The following PRDM16 variants were observed in gnomAD, a reference collection of about 807,000 sequenced individuals.
The protein encoded by PRDM16 is histone-lysine N-methyltransferase PRDM16.
A neutral mutation model predicts 110.6 loss-of-function variants in PRDM16; 23 were observed. That is an observed-to-expected ratio of 0.21 (90% confidence interval 0.15 to 0.29). The LOEUF (loss-of-function observed/expected upper bound fraction) is 0.29. Among genes scored for constraint, PRDM16 ranks in the 10% least tolerant of loss-of-function variants. The probability of loss-of-function intolerance (pLI) is 1.00; values close to 1 mark genes in which losing one functional copy is unlikely to be tolerated. For missense variants in PRDM16, 1,615 were observed against 1,794.3 expected (o/e 0.90, Z 1.81); for synonymous variants, 799 against 781.8 (o/e 1.02, Z -0.37).
At chr1:3,132,379 T>A (rs937926619) in intron 1 of PRDM16, among the ~76,000 whole-genome samples, 1 of 152,176 alleles carries the variant, frequency 6.6e-6, no homozygotes, top group African/African-American at 2.4e-5. Flanking sequence ...CTGGGCCTGG[T>A]CAGAGCACTA....
chr1:3,344,778 G>C (rs560216936), intron 3 of PRDM16, among the ~76,000 whole-genome samples: 2 of 152,290 alleles, frequency 1.3e-5, no homozygotes, highest in Non-Finnish European at 2.9e-5. Flanking sequence ...TTATCTTTAG[G>C]ATTAGTCTTT....
intron 3 of PRDM16, among the ~76,000 whole-genome samples, chr1:3,310,576 G>A (rs1228543705): frequency 2.0e-5 from 3 of 152,110 alleles, no homozygotes; most frequent in Admixed American, 1.3e-4. Context: ...GGGAGAGAAT[G>A]TTTGACCGAG....
intron 1 of PRDM16, among the ~76,000 whole-genome samples, chr1:3,097,049 TG>T (rs1642418908): frequency 6.6e-6 from 1 of 151,894 alleles, no homozygotes; most frequent in African/African-American, 2.4e-5. Context: ...CGTGTGCTCC[TG>T]GGGGACCCTT....
chr1:3,394,972 C>A (rs1198478825), intron 4 of PRDM16, among the ~76,000 whole-genome samples: 1 of 152,166 alleles, frequency 6.6e-6, no homozygotes, highest in Non-Finnish European at 1.5e-5. Flanking sequence ...TAGCAACTTA[C>A]CTGACGCCCC....
chr1:3,321,460 CAT>C lies in PRDM16; in HGVS notation c.439-63691_439-63690del, dbSNP rs1432615718. On this transcript the variant is annotated intron_variant, in intron 3 of 16. Coordinates refer to ENST00000270722, the MANE Select transcript of PRDM16 (RefSeq NM_022114.4). ...CATGTGTTTGTGTTTGTGGGGGGCA[CAT>C]GTGTGAAGGGTACATATGTGTGTTT... 5.4e-5 allele frequency among the ~76,000 whole-genome samples: 8 copies of C among 148,480 alleles called. No individual in the cohort carries two copies. In the East Asian group the frequency reaches 1.6e-3, roughly 30 times the overall value.
intron 1 of PRDM16, among the ~76,000 whole-genome samples, chr1:3,120,961 G>A (rs762382009): frequency 6.6e-6 from 1 of 152,254 alleles, no homozygotes; most frequent in Non-Finnish European, 1.5e-5. Context: ...ACCTTCACAT[G>A]TTTGGGTTTG....
chr1:3,278,502 C>T (rs1397259100), intron 3 of PRDM16, among the ~76,000 whole-genome samples: 3 of 152,192 alleles, frequency 2.0e-5, no homozygotes, highest in Non-Finnish European at 4.4e-5. Context: ...ACATCGGCAA[C>T]CCCCTCTTCT....
At chr1:3,263,249 G>A (rs1640210737) in intron 3 of PRDM16, among the ~76,000 whole-genome samples, 2 of 152,190 alleles carry the variant, frequency 1.3e-5, no homozygotes, top group Non-Finnish European at 2.9e-5. Flanking sequence ...GCTGAGGGCC[G>A]GGACACTGTG....
intron 4 of PRDM16, among the ~76,000 whole-genome samples, chr1:3,393,844 A>ACCCCCG (rs1409729653): frequency 2.0e-5 from 3 of 150,946 alleles, no homozygotes; most frequent in South Asian, 2.1e-4. Context: ...CAGGTCGGGG[A>ACCCCCG]CCCCCGCCCC....
At chr1:3,273,728 G>T (rs976911623) in intron 3 of PRDM16, among the ~76,000 whole-genome samples, 1 of 151,748 alleles carries the variant, frequency 6.6e-6, no homozygotes. Context: ...GTAAGCACAT[G>T]TGTGTGCATG....
chr1:3,093,749 C>T (rs2100602834), intron 1 of PRDM16, among the ~76,000 whole-genome samples: 1 of 152,312 alleles, frequency 6.6e-6, no homozygotes, highest in East Asian at 1.9e-4. Flanking sequence ...TGAGGCTAGC[C>T]TGCAGGAGCT....
chr1:3,372,387 G>A (rs1395878886), intron 3 of PRDM16, among the ~76,000 whole-genome samples: 1 of 152,242 alleles, frequency 6.6e-6, no homozygotes, highest in African/African-American at 2.4e-5. Flanking sequence ...CGCATCTGCT[G>A]TGGGGTGCCA....
At chr1:3,387,694 G>A (rs1377826378) in intron 4 of PRDM16, among the ~76,000 whole-genome samples, 1 of 152,236 alleles carries the variant, frequency 6.6e-6, no homozygotes, top group Non-Finnish European at 1.5e-5. Flanking sequence ...GAGACTCGCC[G>A]CCCAGGCACG....
At chr1:3,260,803 T>C (rs1473911948) in intron 3 of PRDM16, among the ~76,000 whole-genome samples, 5 of 146,086 alleles carry the variant, frequency 3.4e-5, no homozygotes, top group Non-Finnish European at 6.0e-5. Flanking sequence ...ATGATAGTGA[T>C]GATGATACCA....
chr1:3,082,991 G>A (rs188827883), intron 1 of PRDM16, among the ~76,000 whole-genome samples: 1 of 152,314 alleles, frequency 6.6e-6, no homozygotes, highest in Admixed American at 6.5e-5. Context: ...GCTGGAGATC[G>A]AGCCCCCCTG....
At chr1:3,401,738 CAA>C (rs1431969827) in intron 5 of PRDM16, among the ~76,000 whole-genome samples, 5 of 152,262 alleles carry the variant, frequency 3.3e-5, no homozygotes, top group Admixed American at 3.3e-4. Context: ...ATACATAACA[CAA>C]ATGCACACAC....
chr1:3,312,155 G>A (rs755636965), intron 3 of PRDM16, among the ~76,000 whole-genome samples: 2 of 152,192 alleles, frequency 1.3e-5, no homozygotes, highest in Non-Finnish European at 2.9e-5. Flanking sequence ...ATGTGCTGCT[G>A]GGTTTAAATG....
rs143798850 is a variant in PRDM16, at chr1:3,177,082, T to C, written c.38-9043T>C. ...ATCCACTCATGTATCTATACACTTA[T>C]CCATTCATCCACTTATCTATGTATT... is the stretch of plus-strand genomic sequence containing the variant. On this transcript the variant is annotated intron_variant, in intron 1 of 16. Coordinates refer to ENST00000270722, the MANE Select transcript of PRDM16 (RefSeq NM_022114.4). Among the ~76,000 whole-genome samples, 321 of 152,314 alleles carry C rather than the reference T, an allele frequency of 2.1e-3. 2 individuals are homozygous for C. The highest frequency in any genetic ancestry group is 6.6e-3 in the African/African-American group (274 of 41,568).
intron 8 of PRDM16, among the ~76,000 whole-genome samples, chr1:3,407,125 C>T (rs1643576013): frequency 6.6e-6 from 1 of 152,172 alleles, no homozygotes; most frequent in African/African-American, 2.4e-5. Flanking sequence ...GTGCTGGGAG[C>T]TTGGGAACCT....
Sources: allele counts gnomAD v4.1 joint callset (sites outside exome capture counted in the v4.1 genomes callset), GRCh38; gene constraint gnomAD v4.1.1; transcripts MANE v1.5; gene names NCBI Gene and HGNC (gene_info 2026-07-23, HGNC 2026-07-21).